Variants in SKIC3 observed in about 807,000 individuals in gnomAD.
The protein encoded by SKIC3 is SKI3 subunit of superkiller complex, also known as superkiller complex protein 3.
At chr5:95,531,497 T>C in the SKIC3 span, among the ~76,000 whole-genome samples, 1 of 152,182 alleles carries the variant, frequency 6.6e-6, no homozygotes, top group Admixed American at 6.5e-5. Flanking sequence ...AATAGATATG[T>C]CTAGTTCCAT....
At chr5:95,542,311 G>T in the SKIC3 span, among the ~76,000 whole-genome samples, 1 of 151,916 alleles carries the variant, frequency 6.6e-6, no homozygotes, top group Admixed American at 6.5e-5. Context: ...TATAAAAATT[G>T]TATGTTTTTA....
At chr5:95,487,294 A>C in the SKIC3 span, among the ~76,000 whole-genome samples, 7 of 151,722 alleles carry the variant, frequency 4.6e-5, no homozygotes, top group Non-Finnish European at 8.8e-5. Flanking sequence ...TACTTAATGA[A>C]CTCCCCATAT....
At chr5:95,496,153 G>C in the SKIC3 span, among the ~76,000 whole-genome samples, 1 of 152,052 alleles carries the variant, frequency 6.6e-6, no homozygotes, top group Non-Finnish European at 1.5e-5. Flanking sequence ...GAGTAGCTGG[G>C]ACTACAGGCG....
At chr5:95,505,657 CA>C in the SKIC3 span, among the ~76,000 whole-genome samples, 1 of 151,720 alleles carries the variant, frequency 6.6e-6, no homozygotes, top group Non-Finnish European at 1.5e-5. Flanking sequence ...ACTAAAAATA[CA>C]AAAAATTAGC....
the SKIC3 span, among the ~76,000 whole-genome samples, chr5:95,470,253 C>T: frequency 1.3e-5 from 2 of 152,150 alleles, no homozygotes; most frequent in East Asian, 1.9e-4. Context: ...GCTGGGATTA[C>T]AGGCGTGAGC....
the SKIC3 span, among the ~76,000 whole-genome samples, chr5:95,472,870 T>C: frequency 6.6e-6 from 1 of 152,224 alleles, no homozygotes; most frequent in Non-Finnish European, 1.5e-5. Flanking sequence ...TGATTTTCTG[T>C]CCCTGTGTTA....
chr5:95,507,513 C>T, the SKIC3 span, among the ~76,000 whole-genome samples: 10 of 152,264 alleles, frequency 6.6e-5, no homozygotes, highest in East Asian at 9.7e-4. Context: ...CTGCTGACAA[C>T]GTGTATTTCC....
the SKIC3 span, chr5:95,520,593 ATTC>A: frequency 1.1e-5 from 8 of 755,898 alleles, no homozygotes; most frequent in Admixed American, 2.3e-4. Context: ...CTTGTCTGTT[ATTC>A]TTTATGTTTG....
At chr5:95,543,168 A>G in the SKIC3 span, 2 of 1,613,170 alleles carry the variant, frequency 1.2e-6, no homozygotes. Context: ...TACAGAAAAA[A>G]AAAATTTCTA....
chr5:95,537,215 C>T, the SKIC3 span: 4 of 1,227,744 alleles, frequency 3.3e-6, no homozygotes, highest in Non-Finnish European at 4.7e-6. Flanking sequence ...GACTCTCTTA[C>T]ACAAACTACA....
At chr5:95,508,207 A>G in the SKIC3 span, among the ~76,000 whole-genome samples, 23 of 152,202 alleles carry the variant, frequency 1.5e-4, no homozygotes, top group Non-Finnish European at 3.1e-4. Flanking sequence ...CAAAGCATTC[A>G]GGACACCTCA....
At chr5:95,524,974 C>G in the SKIC3 span, among the ~76,000 whole-genome samples, 5 of 152,138 alleles carry the variant, frequency 3.3e-5, no homozygotes, top group South Asian at 6.2e-4. Flanking sequence ...ACCTCCACCC[C>G]CCAGGTTCAA....
the SKIC3 span, among the ~76,000 whole-genome samples, chr5:95,492,496 G>C: frequency 1.2e-4 from 18 of 147,214 alleles, 1 homozygote; most frequent in African/African-American, 3.4e-4. Context: ...AATTAGCCGG[G>C]CGTAGTGGCG....
chr5:95,548,853 A>C, the SKIC3 span: 1 of 152,024 alleles, frequency 6.6e-6, no homozygotes, highest in Admixed American at 6.6e-5. Flanking sequence ...AATTAAAAAC[A>C]AACAAAAGAC....
the SKIC3 span, among the ~76,000 whole-genome samples, chr5:95,547,635 T>A: frequency 6.6e-6 from 1 of 152,098 alleles, no homozygotes; most frequent in South Asian, 2.1e-4. Flanking sequence ...TTGAGTTATA[T>A]TTTATTTACA....
At chr5:95,543,251 G>A in the SKIC3 span, 2 of 1,614,064 alleles carry the variant, frequency 1.2e-6, no homozygotes, top group Non-Finnish European at 1.7e-6. Flanking sequence ...GGCCTGATCA[G>A]GTTGTTCTAG....
the SKIC3 span, chr5:95,525,445 C>T: frequency 5.6e-6 from 9 of 1,613,884 alleles, 1 homozygote; most frequent in South Asian, 9.9e-5. Flanking sequence ...GAATCAAAGC[C>T]TCAAGGGCAT....
the SKIC3 span, among the ~76,000 whole-genome samples, chr5:95,532,307 C>G: frequency 1.3e-5 from 2 of 152,020 alleles, no homozygotes; most frequent in African/African-American, 2.4e-5. Flanking sequence ...CAAGGTAAAC[C>G]TTCCTAACAT....
the SKIC3 span, chr5:95,547,302 T>A: frequency 1.5e-6 from 1 of 676,354 alleles, no homozygotes; most frequent in Non-Finnish European, 2.6e-6. Flanking sequence ...ACACAGTTTA[T>A]TCCTTAACCT....
Sources: allele counts gnomAD v4.1 joint callset (sites outside exome capture counted in the v4.1 genomes callset), GRCh38; gene constraint gnomAD v4.1.1; transcripts MANE v1.5; gene names NCBI Gene and HGNC (gene_info 2026-07-23, HGNC 2026-07-21).